CACNB3: variants seen among roughly 807,000 people sequenced by gnomAD.
The protein encoded by CACNB3 is voltage-dependent L-type calcium channel subunit beta-3.
In CACNB3, 36 loss-of-function variants were observed where a neutral mutation model predicts 63.7. That is an observed-to-expected ratio of 0.57 (90% confidence interval 0.43 to 0.75). The LOEUF (loss-of-function observed/expected upper bound fraction) is 0.75, where lower values mean the gene tolerates loss of function less well. Among genes scored for constraint, CACNB3 ranks in the 30% least tolerant of loss-of-function variants. The probability of loss-of-function intolerance (pLI) is 0.00; values close to 1 mark genes in which losing one functional copy is unlikely to be tolerated. For synonymous variants in CACNB3, 241 were observed against 250.6 expected (o/e 0.96, Z 0.36); for missense variants, 493 against 648.6 (o/e 0.76, Z 2.61).
chr12:48,826,504 G>A lies in CACNB3; in HGVS notation c.880G>A (p.Val294Met). 6.2e-7 allele frequency: 1 copy of A among 1,614,080 alleles called. No homozygotes were observed. The highest frequency in any genetic ancestry group is 1.1e-5 in the South Asian group (1 of 91,060). Reference sequence around the variant, plus strand: ...GGCCCCCATCATCGTCTTTGTCAAAGTGTCCTCACCAAAGGTAAGTCAGCT... The same window carrying A: ...GGCCCCCATCATCGTCTTTGTCAAAATGTCCTCACCAAAGGTAAGTCAGCT... ...SLAPIIVFVK[V>M]SSPKVLQRLI... The change falls in exon 10 of 13, where the codon GTG becomes ATG. Residue 294 changes from valine to methionine, a missense_variant. By Grantham distance (21) the Val-to-Met change is conservative (BLOSUM62 1). Coordinates refer to ENST00000301050, the MANE Select transcript of CACNB3 (RefSeq NM_000725.4). This position sits in a 1 kb window ranked among gnomAD's most constrained non-coding sequence, Gnocchi z 4.8.
intron 1 of CACNB3, among the ~76,000 whole-genome samples, chr12:48,822,473 T>G (rs1020753957): frequency 6.6e-6 from 1 of 152,010 alleles, no homozygotes; most frequent in Non-Finnish European, 1.5e-5. Flanking sequence ...ATCCCCGGGG[T>G]CCTGCTCCGT....
chr12:48,824,966 C>T lies in CACNB3; in HGVS notation c.490C>T (p.Gln164Ter), dbSNP rs765585912. 1 of 1,613,232 alleles carries T rather than the reference C, an allele frequency of 6.2e-7. No homozygotes were observed. Among genetic ancestry groups the T allele is most frequent in the Non-Finnish European group, 8.5e-7 (1 of 1,179,864 alleles). The change falls in exon 6 of 13, where the codon CAG becomes TAG. Residue 164 changes from glutamine to a stop codon, truncating the protein, a stop_gained and splice_region_variant. Coordinates refer to ENST00000301050, the MANE Select transcript of CACNB3 (RefSeq NM_000725.4). LOFTEE classifies it high-confidence loss of function. ...PPSLAKQKQKQAEHVPPYDVV... is the reference protein window; with the variant it reads ...PPSLAKQKQK ...CCAAAAAGCCAAGCAGAAGCAAAAG[C>T]AGGTGAGTCAAGGAAGGGACCTGGG...
At chr12:48,818,371 C>G, upstream of CACNB3, 1 of 847,706 alleles carries the variant, frequency 1.2e-6, no homozygotes, top group African/African-American at 1.8e-5. The surrounding 1 kb of genome is among the most constrained non-coding windows in gnomAD (Gnocchi z 4.3). Flanking sequence ...CGCCCCCTCC[C>G]TCCCCCGCCG....
At chr12:48,817,074 C>A, upstream of CACNB3, 1 of 866,078 alleles carries the variant, frequency 1.2e-6, no homozygotes, top group Non-Finnish European at 1.4e-6. Context: ...CCAGTTGGTG[C>A]TGGACTCAGG....
upstream of CACNB3, chr12:48,815,687 A>G (rs1565661179): frequency 2.9e-6 from 4 of 1,367,916 alleles, no homozygotes; most frequent in African/African-American, 1.6e-5. Flanking sequence ...AGCCTGGTCT[A>G]TGTCTTTTTC....
chr12:48,819,677 T>C (rs1398126167), intron 1 of CACNB3: 1 of 454,902 alleles, frequency 2.2e-6, no homozygotes, highest in Non-Finnish European at 4.4e-6. Context: ...TCCTGAGCTC[T>C]TGCCCAGCAT....
rs1294347590 is a variant in CACNB3, at chr12:48,823,158, G to A, written c.46-186G>A. 1.3e-5 allele frequency among the ~76,000 whole-genome samples: 2 copies of A among 152,222 alleles called. No individual in the cohort carries two copies. Among genetic ancestry groups the A allele is most frequent in the East Asian group, 3.8e-4 (2 of 5,202 alleles). On this transcript the variant is annotated intron_variant, in intron 1 of 12. Transcript: ENST00000301050. The surrounding 1 kb of genome is among the most constrained non-coding windows in gnomAD (Gnocchi z 4.2). Reference sequence around the variant, plus strand: ...ATCTTTGCACCTATGGATTGGGCCAGCTTTCCTGTAGCCTCAGAGGCACTG... The same window carrying A: ...ATCTTTGCACCTATGGATTGGGCCAACTTTCCTGTAGCCTCAGAGGCACTG...
At chr12:48,815,802 T>C, upstream of CACNB3, 3 of 972,846 alleles carry the variant, frequency 3.1e-6, no homozygotes, top group Non-Finnish European at 4.7e-6. Flanking sequence ...CGCTCCAAGC[T>C]AGGAAGGGGG....
At position 48,825,722 on chromosome 12, in the gene CACNB3, C is replaced by G. The variant is rs761679635; in HGVS notation, c.695C>G (p.Pro232Arg). Residue 232 changes from proline to arginine, a missense_variant, in exon 9 of 13, where the codon CCG becomes CGG. By Grantham distance (103) the Pro-to-Arg change is moderately radical (BLOSUM62 -2). Transcript: ENST00000301050. The surrounding 1 kb of genome is among the most constrained non-coding windows in gnomAD (Gnocchi z 4.5). Reference sequence around the variant, plus strand: ...GCAAAGCGATCTGTGCTCAACAATCCGGGCAAGAGGACCATCATTGAGCGC... The same window carrying G: ...GCAAAGCGATCTGTGCTCAACAATCGGGGCAAGAGGACCATCATTGAGCGC... ...SLAKRSVLNN[P>R]GKRTIIERSS... 6.2e-6 allele frequency: 10 copies of G among 1,614,196 alleles called. No homozygotes were observed. In the South Asian group the frequency reaches 1.1e-4, roughly 18 times the overall value.
At chr12:48,818,352 C>A, upstream of CACNB3, 1 of 615,262 alleles carries the variant, frequency 1.6e-6, no homozygotes, top group Non-Finnish European at 2.0e-6. This position sits in a 1 kb window ranked among gnomAD's most constrained non-coding sequence, Gnocchi z 4.3. Flanking sequence ...GTCTCCCTCG[C>A]GGTCTCAGCG....
In CACNB3 at chr12:48,827,691, G is replaced by A. The variant is rs1278512347; in HGVS notation, c.1247G>A (p.Gly416Glu). 1.2e-6 allele frequency: 2 copies of A among 1,614,014 alleles called. No individual in the cohort carries two copies. Among genetic ancestry groups the A allele is most frequent in the Admixed American group, 3.3e-5 (2 of 60,032 alleles). ...GAGAGCTCCCGCCAAGCCTGGACAG[G>A]ATCTTCACAGCGTAGCTCCCGCCAC... ...ASESSRQAWT[G>E]SSQRSSRHLE... The change falls in exon 13 of 13, where the codon GGA becomes GAA. Residue 416 changes from glycine to glutamate, a missense_variant. By Grantham distance (98) the Gly-to-Glu change is moderately conservative (BLOSUM62 -2). Coordinates refer to ENST00000301050, the MANE Select transcript of CACNB3 (RefSeq NM_000725.4).
At position 48,824,752 on chromosome 12, in the gene CACNB3, A is replaced by G; in HGVS notation, c.472+19A>G. ...TCTCTAGGTAGCCTCCCCCCAACCC[A>G]CCCATTTTGGGTAGGTGGGTAGCTA... On this transcript the variant is annotated intron_variant, in intron 5 of 12. Coordinates refer to ENST00000301050, the MANE Select transcript of CACNB3 (RefSeq NM_000725.4). The G allele has an allele frequency of 6.2e-7, 1 of 1,610,026 alleles. No individual in the cohort carries two copies.
At chr12:48,822,987 G>A (rs1937932429) in intron 1 of CACNB3, among the ~76,000 whole-genome samples, 2 of 152,202 alleles carry the variant, frequency 1.3e-5, no homozygotes, top group South Asian at 4.1e-4. Flanking sequence ...CCTGGATCCA[G>A]AATCATCTCT....
intron 1 of CACNB3, among the ~76,000 whole-genome samples, chr12:48,822,320 T>C (rs1420043399): frequency 1.3e-5 from 2 of 152,158 alleles, no homozygotes; most frequent in Admixed American, 1.3e-4. Context: ...TGTCTCAAAG[T>C]CCAGCGTCCC....
intron 1 of CACNB3, chr12:48,820,657 T>C (rs1363531828): frequency 6.6e-6 from 1 of 152,378 alleles, no homozygotes; most frequent in Non-Finnish European, 1.5e-5. Flanking sequence ...ACTGAAACTC[T>C]GGCTATTTTG....
In CACNB3 at chr12:48,826,884, C is replaced by T. The variant is rs746693219; in HGVS notation, c.990+30C>T. ...GTGCCTGGGTCAGCTGCTCCTGTGC[C>T]CACTCCCCCAGGGCTGCGGCAGTGA... On this transcript the variant is annotated intron_variant, in intron 11 of 12. Coordinates refer to ENST00000301050, the MANE Select transcript of CACNB3 (RefSeq NM_000725.4). The surrounding 1 kb of genome is among the most constrained non-coding windows in gnomAD (Gnocchi z 4.8). 1.2e-6 allele frequency: 2 copies of T among 1,611,208 alleles called. No homozygotes were observed. Among genetic ancestry groups the T allele is most frequent in the Non-Finnish European group, 1.7e-6 (2 of 1,177,566 alleles).
In CACNB3 at chr12:48,818,566, C is replaced by A; in HGVS notation, c.-364C>A. 9.4e-7 allele frequency: 1 copy of A among 1,063,440 alleles called. No individual in the cohort carries two copies. The highest frequency in any genetic ancestry group is 3.5e-5 in the South Asian group (1 of 28,858). The allele number at this position is 1,063,440 out of a possible 1,614,324, so 65.9% of individuals were successfully genotyped here. A position where few individuals can be genotyped will look rare whatever the true frequency, so the allele number is the denominator to read the frequency against. On this transcript the variant is annotated 5_prime_UTR_variant, in exon 1 of 13. Transcript: ENST00000301050. This position sits in a 1 kb window ranked among gnomAD's most constrained non-coding sequence, Gnocchi z 4.3. ...ACCTTCCACCTAGCACGGGTTCGTTCCCCTCTCCCGGCCTGGCCCGGGCTC... is the reference window on the plus strand; with the variant it reads ...ACCTTCCACCTAGCACGGGTTCGTTACCCTCTCCCGGCCTGGCCCGGGCTC...
In CACNB3 at chr12:48,826,201, G is replaced by A. The variant is rs1388585632; in HGVS notation, c.743-166G>A. The A allele has an allele frequency of 1.1e-5, 7 of 665,392 alleles. No homozygotes were observed. Among genetic ancestry groups the A allele is most frequent in the African/African-American group, 9.0e-5 (5 of 55,312 alleles). The allele number at this position is 665,392 out of a possible 1,614,324, so 41.2% of individuals were successfully genotyped here. A position where few individuals can be genotyped will look rare whatever the true frequency, so the allele number is the denominator to read the frequency against. ...CTCTACCTGCCCCCAGGATTGGCAA[G>A]AACACACCCCTCCTCCTCAATTCCC... On this transcript the variant is annotated intron_variant, in intron 9 of 12. Transcript: ENST00000301050. The surrounding 1 kb of genome is among the most constrained non-coding windows in gnomAD (Gnocchi z 4.8).
At chr12:48,816,912 C>CT (rs1942300368), upstream of CACNB3, 5 of 985,328 alleles carry the variant, frequency 5.1e-6, no homozygotes, top group Non-Finnish European at 6.0e-6. Flanking sequence ...GGGTCTTACT[C>CT]TTTGACACCT....
Sources: allele counts gnomAD v4.1 joint callset (sites outside exome capture counted in the v4.1 genomes callset), GRCh38; gene constraint gnomAD v4.1.1; non-coding constraint Gnocchi (gnomAD v3.1); transcripts MANE v1.5; gene names NCBI Gene and HGNC (gene_info 2026-07-23, HGNC 2026-07-21).